The following THADA variants were observed in gnomAD, a reference collection of about 807,000 sequenced individuals.
The protein encoded by THADA is tRNA (32-2'-O)-methyltransferase regulator THADA.
Under a neutral mutation model 219.8 loss-of-function variants are expected in THADA, and 213 were observed. The ratio of observed to expected loss-of-function variants is 0.97; its 90% CI spans 0.87 to 1.09. The LOEUF is 1.09. THADA is among the 50% of genes least tolerant of loss of function. The pLI is 0.00. For synonymous variants in THADA, 1,018 were observed against 828.9 expected (o/e 1.23, Z -3.92); for missense variants, 2,956 against 2,311.3 (o/e 1.28, Z -5.72).
intron 4 of THADA, 45 bp from the exon 5 acceptor site, chr2:43,587,047 C>T (rs1701102687): frequency 3.8e-6 from 6 of 1,564,608 alleles, no homozygotes; most frequent in Non-Finnish European, 5.2e-6. Context: ...TCTAATAGCC[C>T]CAGAATATGT....
At chr2:43,299,178 T>C (rs1372907405) in intron 31 of THADA, among the ~76,000 whole-genome samples, 2 of 146,086 alleles carry the variant, frequency 1.4e-5, no homozygotes, top group African/African-American at 5.2e-5. Context: ...TATATGCAAA[T>C]ATTTAAAAAA....
At chr2:43,298,138 G>A (rs1339354306) in intron 31 of THADA, among the ~76,000 whole-genome samples, 11 of 88,662 alleles carry the variant, frequency 1.2e-4, no homozygotes, top group South Asian at 4.6e-4. Flanking sequence ...TGACAATGGC[G>A]GCTTTGTGGA....
chr2:43,357,808 C>T (rs186676391), intron 29 of THADA, among the ~76,000 whole-genome samples: 2 of 152,110 alleles, frequency 1.3e-5, no homozygotes, highest in South Asian at 2.1e-4. Flanking sequence ...TTTATTAATG[C>T]CAAGTTGTTA....
intron 10 of THADA, among the ~76,000 whole-genome samples, 181 bp from the exon 11 acceptor site, chr2:43,575,208 T>A (rs970176): frequency 0.37 from 56,393 of 152,100 alleles, 11,183 homozygotes; most frequent in African/African-American, 0.51. Context: ...TTGTATATGA[T>A]TCTTTTTACC....
chr2:43,401,576 C>A (rs1320048086), intron 28 of THADA, among the ~76,000 whole-genome samples: 1 of 152,210 alleles, frequency 6.6e-6, no homozygotes, highest in East Asian at 1.9e-4. Flanking sequence ...CCATGCCCAG[C>A]TGAGACATGA....
intron 36 of THADA, among the ~76,000 whole-genome samples, chr2:43,248,822 T>G (rs1239855584): frequency 6.6e-6 from 1 of 152,002 alleles, no homozygotes; most frequent in African/African-American, 2.4e-5. Flanking sequence ...ACTCTCAGCC[T>G]CGTGCCCAGT....
At chr2:43,422,877 G>C (rs10204215) in intron 28 of THADA, among the ~76,000 whole-genome samples, 9,231 of 152,122 alleles carry the variant, frequency 0.061, 797 homozygotes, top group African/African-American at 0.19. Flanking sequence ...AAATCACCAA[G>C]TCTGGCTAAT....
chr2:43,480,927 C>T (rs867792452), intron 26 of THADA, among the ~76,000 whole-genome samples: 2 of 152,066 alleles, frequency 1.3e-5, no homozygotes, highest in Non-Finnish European at 2.9e-5. Flanking sequence ...CTATGTAGTT[C>T]GAAGCAAATA....
At chr2:43,506,164 T>C (rs1202471846) in intron 23 of THADA, among the ~76,000 whole-genome samples, 1 of 152,234 alleles carries the variant, frequency 6.6e-6, no homozygotes, top group Non-Finnish European at 1.5e-5. Flanking sequence ...TGTAAGAATG[T>C]TAAGCCTCCC....
chr2:43,396,237 T>C (rs939361249), intron 29 of THADA, among the ~76,000 whole-genome samples: 3 of 152,222 alleles, frequency 2.0e-5, no homozygotes, highest in African/African-American at 7.2e-5. Flanking sequence ...TATGTTGCTC[T>C]CTTTGCATGG....
intron 31 of THADA, among the ~76,000 whole-genome samples, chr2:43,294,440 G>A (rs976757282): frequency 5.9e-5 from 9 of 152,172 alleles, no homozygotes; most frequent in Non-Finnish European, 1.5e-5. Context: ...GCTCAACAAA[G>A]GCATGAAACA....
At chr2:43,370,056 A>T (rs1326388592) in intron 29 of THADA, 1 of 152,188 alleles carries the variant, frequency 6.6e-6, no homozygotes. Context: ...CTCAATGAAA[A>T]CCTTACTGAT....
chr2:43,583,423 C>A (rs578177002), intron 7 of THADA, among the ~76,000 whole-genome samples: 1 of 152,202 alleles, frequency 6.6e-6, no homozygotes, highest in East Asian at 1.9e-4. Context: ...ACTGGTCTCT[C>A]GCAGCTTCTG....
intron 26 of THADA, among the ~76,000 whole-genome samples, chr2:43,446,482 TTTATGC>T (rs1681569661): frequency 1.3e-5 from 2 of 152,184 alleles, no homozygotes; most frequent in Admixed American, 6.5e-5. Flanking sequence ...CCCCCAGTCA[TTTATGC>T]TTCTACTTCC....
intron 8 of THADA, among the ~76,000 whole-genome samples, chr2:43,580,024 C>CTTTTTTT (rs34171011): frequency 1.4e-4 from 17 of 122,808 alleles, no homozygotes; most frequent in South Asian, 2.7e-4. Flanking sequence ...AAAGCTACTT[C>CTTTTTTT]TTTTTTTTTT....
At chr2:43,520,594 G>A (rs1289173305) in intron 22 of THADA, among the ~76,000 whole-genome samples, 2 of 152,050 alleles carry the variant, frequency 1.3e-5, no homozygotes, top group Non-Finnish European at 2.9e-5. Context: ...GGAAGCTGAG[G>A]TGAGAGGACT....
At chr2:43,384,983 A>T (rs1180959471) in intron 29 of THADA, among the ~76,000 whole-genome samples, 1 of 152,050 alleles carries the variant, frequency 6.6e-6, no homozygotes, top group Non-Finnish European at 1.5e-5. Context: ...TCTACTAAAA[A>T]TACAAAAATT....
At chr2:43,327,031 G>A (rs942548676) in intron 30 of THADA, among the ~76,000 whole-genome samples, 6 of 152,136 alleles carry the variant, frequency 3.9e-5, no homozygotes, top group African/African-American at 1.4e-4. Context: ...AAAGGTTATG[G>A]CTTTGCAGAG....
At chr2:43,320,330 T>C in intron 31 of THADA, 116 bp downstream of exon 31, 1 of 672,940 alleles carries the variant, frequency 1.5e-6, no homozygotes, top group East Asian at 2.6e-5. Context: ...TTTTGATGTG[T>C]GGTTAGTCTT....
Sources: gnomAD v4.1 joint callset for allele counts (sites outside exome capture counted in the v4.1 genomes callset) on GRCh38, gnomAD v4.1.1 for gene constraint, MANE v1.5 for transcripts, NCBI Gene and HGNC (gene_info 2026-07-23, HGNC 2026-07-21) for gene names.